The following DNER variants were observed in gnomAD, a reference collection of about 807,000 sequenced individuals.
The protein encoded by DNER is delta and Notch-like epidermal growth factor-related receptor.
Under a neutral mutation model 78.2 loss-of-function variants are expected in DNER, and 33 were observed. That is an observed-to-expected ratio of 0.42 (90% CI 0.32 to 0.56). The LOEUF (loss-of-function observed/expected upper bound fraction) is 0.56, where lower values mean the gene tolerates loss of function less well. Ranked by LOEUF, DNER falls within the 20% of genes least tolerant of loss-of-function variation. The pLI is 0.11. For synonymous variants in DNER, 417 were observed against 384.8 expected (o/e 1.08, Z -0.98); for missense variants, 918 against 975.3 (o/e 0.94, Z 0.78).
rs1699963716 is a variant in DNER at position 229,714,431 on chromosome 2, C to A, written c.-8G>T. 2 of 1,126,074 alleles carry A rather than the reference C, an allele frequency of 1.8e-6. No homozygotes were observed. The highest frequency in any genetic ancestry group is 1.1e-6 in the Non-Finnish European group (1 of 923,398). The allele number at this position is 1,126,074 out of a possible 1,614,324, so 69.8% of individuals were successfully genotyped here. ...GGCGCGGCGGGGCTGCATGGCCGGC[C>A]GGGAGGGCGCGGGAGCCGGAGCCAG... On this transcript the variant is annotated 5_prime_UTR_variant, in exon 1 of 13. Transcript: ENST00000341772.
intron 5 of DNER, among the ~76,000 whole-genome samples, chr2:229,514,660 T>C (rs1240492581): frequency 6.6e-6 from 1 of 152,242 alleles, no homozygotes; most frequent in Non-Finnish European, 1.5e-5. Flanking sequence ...GTCATACTTC[T>C]AGTGCCTTCC....
intron 4 of DNER, among the ~76,000 whole-genome samples, chr2:229,568,937 A>T (rs1252787488): frequency 6.6e-6 from 1 of 152,218 alleles, no homozygotes; most frequent in South Asian, 2.1e-4. Context: ...GTGCATATAC[A>T]TGTCTGTGCA....
At chr2:229,677,985 G>A (rs1699323351) in intron 1 of DNER, among the ~76,000 whole-genome samples, 1 of 152,186 alleles carries the variant, frequency 6.6e-6, no homozygotes, top group African/African-American at 2.4e-5. Context: ...CATGGGGAAA[G>A]AAGTTTGTTG....
chr2:229,452,235 A>G (rs6750496), intron 7 of DNER, among the ~76,000 whole-genome samples: 49,542 of 152,110 alleles, frequency 0.33, 8,238 homozygotes, highest in African/African-American at 0.38. Context: ...GAGGTTGTGA[A>G]GGCCAATTTG....
At chr2:229,614,581 G>T (rs1434971304) in intron 1 of DNER, among the ~76,000 whole-genome samples, 1 of 152,168 alleles carries the variant, frequency 6.6e-6, no homozygotes, top group Non-Finnish European at 1.5e-5. Context: ...GGACAAGGAG[G>T]TAGCTCTGTA....
intron 6 of DNER, among the ~76,000 whole-genome samples, chr2:229,484,344 T>A (rs913362841): frequency 6.6e-6 from 1 of 152,184 alleles, no homozygotes; most frequent in African/African-American, 2.4e-5. Flanking sequence ...GGTCTGTACA[T>A]CTAACTTGGG....
chr2:229,544,876 G>C (rs1696590054), intron 5 of DNER, among the ~76,000 whole-genome samples: 1 of 152,156 alleles, frequency 6.6e-6, no homozygotes, highest in African/African-American at 2.4e-5. Context: ...ACAGCTAACA[G>C]GAAAGTCACA....
At chr2:229,637,685 T>C (rs1698551923) in intron 1 of DNER, among the ~76,000 whole-genome samples, 1 of 152,232 alleles carries the variant, frequency 6.6e-6, no homozygotes. Flanking sequence ...GTATGGGGCA[T>C]ATTTGCAATG....
At chr2:229,486,888 G>A (rs1294315999) in intron 6 of DNER, among the ~76,000 whole-genome samples, 2 of 152,196 alleles carry the variant, frequency 1.3e-5, no homozygotes, top group East Asian at 3.9e-4. Context: ...TACTGAAGGA[G>A]AAACTCTGGG....
intron 4 of DNER, among the ~76,000 whole-genome samples, chr2:229,549,041 G>A (rs1009843489): frequency 3.3e-5 from 5 of 151,966 alleles, no homozygotes; most frequent in African/African-American, 1.2e-4. Context: ...TTTTCTCAAC[G>A]TTATTTATAC....
At chr2:229,521,581 G>C (rs745647494) in intron 5 of DNER, among the ~76,000 whole-genome samples, 2 of 152,168 alleles carry the variant, frequency 1.3e-5, no homozygotes, top group South Asian at 4.1e-4. Flanking sequence ...GGCGAGCTAT[G>C]ACTAAAGGGT....
At chr2:229,541,419 G>A (rs2154213066) in intron 5 of DNER, among the ~76,000 whole-genome samples, 1 of 152,300 alleles carries the variant, frequency 6.6e-6, no homozygotes, top group South Asian at 2.1e-4. Flanking sequence ...GGATGTTTCT[G>A]TGAAGGTGTT....
At chr2:229,375,155 A>C (rs1486300265) in intron 11 of DNER, among the ~76,000 whole-genome samples, 1 of 152,222 alleles carries the variant, frequency 6.6e-6, no homozygotes, top group Non-Finnish European at 1.5e-5. Flanking sequence ...TAGTTTACCC[A>C]GGTTCCATCA....
chr2:229,442,032 C>T (rs992393069), intron 8 of DNER, among the ~76,000 whole-genome samples: 6 of 152,158 alleles, frequency 3.9e-5, no homozygotes, highest in African/African-American at 1.4e-4. Context: ...ACAGATGCAG[C>T]TGGGTGATCA....
At chr2:229,558,417 C>T (rs1337959768) in intron 4 of DNER, among the ~76,000 whole-genome samples, 1 of 152,088 alleles carries the variant, frequency 6.6e-6, no homozygotes, top group Non-Finnish European at 1.5e-5. Flanking sequence ...GGCTTTCTGT[C>T]AAAAATGTCA....
chr2:229,682,153 T>C (rs1211383383), intron 1 of DNER, among the ~76,000 whole-genome samples: 4 of 152,190 alleles, frequency 2.6e-5, no homozygotes, highest in South Asian at 2.1e-4. Flanking sequence ...AGAAGCATAA[T>C]GACATTTGAA....
intron 1 of DNER, among the ~76,000 whole-genome samples, chr2:229,664,756 C>A (rs1378556011): frequency 1.3e-5 from 2 of 151,996 alleles, no homozygotes; most frequent in Non-Finnish European, 2.9e-5. Flanking sequence ...TGCTTTCCTT[C>A]AAAAAAGAAT....
intron 1 of DNER, among the ~76,000 whole-genome samples, chr2:229,655,431 CA>C (rs1291664870): frequency 1.3e-5 from 2 of 152,088 alleles, no homozygotes; most frequent in African/African-American, 2.4e-5. Context: ...TAAATACCAT[CA>C]GACTCAGGAA....
chr2:229,401,956 A>G (rs1007612615), intron 10 of DNER, among the ~76,000 whole-genome samples: 1 of 152,246 alleles, frequency 6.6e-6, no homozygotes, highest in Non-Finnish European at 1.5e-5. Flanking sequence ...CTGGATGTTT[A>G]CATGGGAAAA....
Sources: gnomAD v4.1 joint callset for allele counts (sites outside exome capture counted in the v4.1 genomes callset) on GRCh38, gnomAD v4.1.1 for gene constraint, MANE v1.5 for transcripts, NCBI Gene and HGNC (gene_info 2026-07-23, HGNC 2026-07-21) for gene names.